PODN: variants seen among roughly 807,000 people sequenced by gnomAD.
PODN encodes the protein podocan proteoglycan.
PODN carries 40 observed loss-of-function variants against 52.7 expected under a neutral mutation model. The ratio of observed to expected loss-of-function variants is 0.76; its 90% CI spans 0.59 to 0.99. The LOEUF (loss-of-function observed/expected upper bound fraction) is 0.99, where lower values mean the gene tolerates loss of function less well. Among genes scored for constraint, PODN ranks in the 50% least tolerant of loss-of-function variants. The pLI is 0.00. For synonymous variants in PODN, 396 were observed against 377.9 expected, an observed-to-expected ratio of 1.05 and a Z score of -0.56; for missense variants, 720 against 815.1, an observed-to-expected ratio of 0.88 and a Z score of 1.42.
intron 10 of PODN, among the ~76,000 whole-genome samples, chr1:53,083,907 G>A (rs1644328017): frequency 6.6e-6 from 1 of 152,154 alleles, no homozygotes; most frequent in Non-Finnish European, 1.5e-5. Context: ...GCCGTGGGAG[G>A]GGCTGCCGGG....
At chr1:53,073,723 A>G (rs1644153394) in intron 3 of PODN, 1 of 152,240 alleles carries the variant, frequency 6.6e-6, no homozygotes, top group Non-Finnish European at 1.5e-5. Context: ...TACTATTGAC[A>G]TTTTGGTAAA....
In PODN at chr1:53,077,655, C is replaced by T. The variant is rs1335670614; in HGVS notation, c.739-30C>T. 38 of 1,587,872 alleles carry T rather than the reference C, an allele frequency of 2.4e-5. No homozygotes were observed. The Admixed American group carries it at 6.2e-4, about 26-fold the overall frequency. ...TGACCTTGCCCTCGGCCCTCCCTCA[C>T]AATCTCCTCCCTTCCCTTCCATCCC... On this transcript the variant is annotated intron_variant, in intron 6 of 10. Coordinates refer to ENST00000312553, the MANE Select transcript of PODN (RefSeq NM_153703.5).
chr1:53,064,033 GTCT>G (rs1643998687), intron 1 of PODN, among the ~76,000 whole-genome samples: 1 of 152,154 alleles, frequency 6.6e-6, no homozygotes. Context: ...CTCCCGCTCA[GTCT>G]TCAAGGCCAA....
chr1:53,071,404 G>T (rs930782355), intron 2 of PODN, 131 bp from the exon 3 acceptor site: 30 of 762,062 alleles, frequency 3.9e-5, no homozygotes, highest in Non-Finnish European at 6.4e-5. Context: ...CTGCTGCCAT[G>T]GGGGAGAATT....
At chr1:53,066,430 AT>A (rs1269955118) in intron 1 of PODN, among the ~76,000 whole-genome samples, 1 of 152,174 alleles carries the variant, frequency 6.6e-6, no homozygotes, top group Non-Finnish European at 1.5e-5. Context: ...ATCCTACATT[AT>A]TTTTTTGTAC....
Position 53,078,616 on chromosome 1 carries a change from A to G in PODN, c.1106A>G (p.Asn369Ser). 2 of 1,613,060 alleles carry G rather than the reference A, an allele frequency of 1.2e-6. No individual in the cohort carries two copies. The highest frequency in any genetic ancestry group is 1.7e-6 in the Non-Finnish European group (2 of 1,179,996). ...KRLHTVHLYN[N>S]ALERVPSGLP... ...TTGCACACGGTGCACCTGTACAACA[A>G]CGCGCTGGAGCGCGTGCCCAGTGGC... Residue 369 changes from asparagine to serine, a missense_variant, in exon 8 of 11, where the codon AAC becomes AGC. Asn to Ser is a conservative substitution (Grantham distance 46). Coordinates refer to ENST00000312553, the MANE Select transcript of PODN (RefSeq NM_153703.5).
intron 1 of PODN, among the ~76,000 whole-genome samples, chr1:53,063,897 C>G (rs755596293): frequency 7.2e-5 from 11 of 152,136 alleles, no homozygotes; most frequent in Non-Finnish European, 1.3e-4. Context: ...CTTGGCCACC[C>G]AGGCCTCCCG....
At chr1:53,082,546 G>A (rs1465185920) in intron 10 of PODN, among the ~76,000 whole-genome samples, 1 of 152,156 alleles carries the variant, frequency 6.6e-6, no homozygotes, top group Non-Finnish European at 1.5e-5. Flanking sequence ...GGGGAAGCTT[G>A]CCATGGGAGA....
At chr1:53,075,017 G>C (rs546378393) in intron 4 of PODN, among the ~76,000 whole-genome samples, 1 of 152,096 alleles carries the variant, frequency 6.6e-6, no homozygotes, top group African/African-American at 2.4e-5. Context: ...GCCCCAGGGT[G>C]GGGGGCACTG....
chr1:53,068,423 G>A (rs776181319), intron 1 of PODN, among the ~76,000 whole-genome samples: 6 of 152,176 alleles, frequency 3.9e-5, no homozygotes, highest in South Asian at 2.1e-4. Flanking sequence ...AATGTCCCCC[G>A]TGCTGGAGGC....
rs978127642 is a variant in PODN, at chr1:53,084,567, C to T, written c.*82C>T. 3 of 152,434 alleles carry T rather than the reference C, an allele frequency of 2.0e-5. No individual in the cohort carries two copies. The highest frequency in any genetic ancestry group is 3.9e-4 in the East Asian group (2 of 5,186). The allele number at this position is 152,434 out of a possible 1,614,324, so 9.4% of individuals were successfully genotyped here. On this transcript the variant is annotated 3_prime_UTR_variant, in exon 11 of 11. Transcript: ENST00000312553. ...GCACACGCCTGTGTGCTGTGAGCCC[C>T]CCACTCTGCCGTGCTCACACAGACA...
At chr1:53,081,028 C>A in intron 9 of PODN, 152 bp downstream of exon 9, 1 of 1,064,012 alleles carries the variant, frequency 9.4e-7, no homozygotes, top group Non-Finnish European at 1.3e-6. Context: ...TGGCCAGGCC[C>A]GATATGGTTC....
rs538363288 is a variant in PODN at position 53,069,408 on chromosome 1, C to T, written c.-55-393C>T. On this transcript the variant is annotated intron_variant, in intron 1 of 10. Transcript: ENST00000312553. ...GCCTGAGAATGGCGAGCTGGAGAGC[C>T]GGGACGCACCCTGCCAGTGCTGGCT... Among the ~76,000 whole-genome samples, 9 of 152,304 alleles carry T rather than the reference C, an allele frequency of 5.9e-5. No homozygotes were observed. The South Asian group carries it at 1.7e-3, about 28-fold the overall frequency.
chr1:53,072,154 GCA>G (rs1273586443), intron 3 of PODN, among the ~76,000 whole-genome samples: 1 of 150,942 alleles, frequency 6.6e-6, no homozygotes, highest in East Asian at 1.9e-4. Context: ...AATAAGCAAT[GCA>G]CACAGTTTTA....
chr1:53,077,869 T>TCCAGC (rs928548660), intron 7 of PODN, 69 bp downstream of exon 7: 15 of 1,337,222 alleles, frequency 1.1e-5, no homozygotes, highest in East Asian at 6.9e-5. Context: ...GGGCCAACCA[T>TCCAGC]CCAGCCCAGC....
rs6687909 is a variant in PODN at position 53,082,128 on chromosome 1, A to G, written c.1809A>G (p.Glu603=). Reference sequence around the variant, plus strand: ...TGGGGAAGGAAAAGGAGGAGGAGGAAGAGGAGGAGGAGGAGGAAGAGGAAA... The same window carrying G: ...TGGGGAAGGAAAAGGAGGAGGAGGAGGAGGAGGAGGAGGAGGAAGAGGAAA... ...GRLGKEKEEE[E]EEEEEEEETR The change falls in exon 10 of 11, where the codon GAA becomes GAG. Residue 603 remains glutamate, a synonymous_variant. Transcript: ENST00000312553. 0.05 allele frequency: 79,879 copies of G among 1,609,812 alleles called. 6,298 individuals are homozygous for G. Among genetic ancestry groups the G allele is most frequent in the African/African-American group, 0.32 (23,712 of 74,130 alleles).
At chr1:53,062,609 C>A (rs1203009126) in intron 1 of PODN, among the ~76,000 whole-genome samples, 2 of 151,994 alleles carry the variant, frequency 1.3e-5, no homozygotes, top group Non-Finnish European at 2.9e-5. Flanking sequence ...CGGTTGGGGG[C>A]GGGGGCTGGA....
chr1:53,069,483 C>T (rs948623444), intron 1 of PODN, among the ~76,000 whole-genome samples: 10 of 152,354 alleles, frequency 6.6e-5, no homozygotes, highest in African/African-American at 2.2e-4. Flanking sequence ...CCCACACCGC[C>T]AGTGCCAGGA....
At chr1:53,079,076 G>C in intron 8 of PODN, 54 bp downstream of exon 8, 2 of 1,456,114 alleles carry the variant, frequency 1.4e-6, no homozygotes, top group Non-Finnish European at 1.8e-6. Context: ...TACTGGCATG[G>C]CTGCCCTGAG....
Sources: allele counts gnomAD v4.1 joint callset (sites outside exome capture counted in the v4.1 genomes callset), GRCh38; gene constraint gnomAD v4.1.1; transcripts MANE v1.5; gene names NCBI Gene and HGNC (gene_info 2026-07-23, HGNC 2026-07-21).